The following LRMDA variants were observed in gnomAD, a reference collection of about 807,000 sequenced individuals.
The protein encoded by LRMDA is leucine-rich melanocyte differentiation-associated protein.
Under a neutral mutation model 29.8 loss-of-function variants are expected in LRMDA, and 18 were observed. That is an observed-to-expected ratio of 0.60 (90% CI 0.42 to 0.90). LRMDA has a LOEUF of 0.90. LRMDA is among the 40% of genes least tolerant of loss of function. The pLI is 0.00. For missense variants in LRMDA, 273 were observed against 273.9 expected (o/e 1.00, Z 0.02); for synonymous variants, 125 against 109.4 (o/e 1.14, Z -0.89).
At chr10:75,754,332 G>A (rs1337673712) in intron 2 of LRMDA, among the ~76,000 whole-genome samples, 1 of 152,186 alleles carries the variant, frequency 6.6e-6, no homozygotes, top group Non-Finnish European at 1.5e-5. Flanking sequence ...TGATATTTAT[G>A]ACTGGTTTCT....
chr10:75,914,359 T>A (rs1288808741), intron 2 of LRMDA, among the ~76,000 whole-genome samples: 2 of 152,248 alleles, frequency 1.3e-5, no homozygotes, highest in Non-Finnish European at 2.9e-5. Context: ...ACCTGTGACT[T>A]TATTTATCCC....
chr10:76,534,593 A>G (rs1843271698), intron 6 of LRMDA, among the ~76,000 whole-genome samples: 1 of 152,210 alleles, frequency 6.6e-6, no homozygotes, highest in African/African-American at 2.4e-5. Flanking sequence ...CTTATTTGTT[A>G]CAGCAGCTTG....
intron 5 of LRMDA, among the ~76,000 whole-genome samples, chr10:76,164,725 C>T (rs1388184918): frequency 6.6e-6 from 1 of 152,094 alleles, no homozygotes; most frequent in Non-Finnish European, 1.5e-5. Flanking sequence ...TTTAAATGAG[C>T]ATCACAGATT....
At chr10:76,118,237 G>T (rs1564657339) in intron 5 of LRMDA, among the ~76,000 whole-genome samples, 1 of 152,126 alleles carries the variant, frequency 6.6e-6, no homozygotes, top group Non-Finnish European at 1.5e-5. Flanking sequence ...CACTTTGGCT[G>T]CCTTCCTCTG....
intron 2 of LRMDA, among the ~76,000 whole-genome samples, chr10:75,633,852 T>C (rs1841357689): frequency 6.6e-6 from 1 of 152,204 alleles, no homozygotes; most frequent in Non-Finnish European, 1.5e-5. Context: ...AATAAGTTGT[T>C]GGAATATGGG....
At chr10:76,214,667 A>G (rs1288699127) in intron 5 of LRMDA, among the ~76,000 whole-genome samples, 1 of 152,138 alleles carries the variant, frequency 6.6e-6, no homozygotes, top group Non-Finnish European at 1.5e-5. Context: ...TTAATAGCTC[A>G]TTTTGTAGCT....
rs149792084 is a variant in LRMDA, at chr10:75,921,201, C to G, written c.132-114807C>G. Among the ~76,000 whole-genome samples, 321 of 152,274 alleles carry G rather than the reference C, an allele frequency of 2.1e-3. 1 individual carries two copies. Among genetic ancestry groups the G allele is most frequent in the African/African-American group, 7.3e-3 (305 of 41,558 alleles). On this transcript the variant is annotated intron_variant, in intron 2 of 6. Coordinates refer to ENST00000611255, the MANE Select transcript of LRMDA (RefSeq NM_001305581.2). ...TCCAATCATTACCTCCTGACATTAC[C>G]TTCCTCAAATAGGTTTATTTGTTGA...
intron 5 of LRMDA, among the ~76,000 whole-genome samples, chr10:76,071,000 G>A (rs1848866977): frequency 6.6e-6 from 1 of 152,182 alleles, no homozygotes; most frequent in Admixed American, 6.5e-5. Flanking sequence ...AGCTGTGGAG[G>A]AGAGAGGTCT....
rs76996894 is a variant in LRMDA at position 76,244,252 on chromosome 10, C to G, written c.517-80149C>G. 3.5e-3 allele frequency among the ~76,000 whole-genome samples: 534 copies of G among 152,308 alleles called. 15 individuals are homozygous for G. In the East Asian group the frequency reaches 0.07, roughly 20 times the overall value. ...GTGAGGACCGTGAAAGCTCACCCAA[C>G]TCAGTGCCTGGTACATGACAGGCAT... On this transcript the variant is annotated intron_variant, in intron 5 of 6. Transcript: ENST00000611255.
intron 2 of LRMDA, among the ~76,000 whole-genome samples, chr10:75,490,772 A>G (rs1844977480): frequency 6.6e-6 from 1 of 152,160 alleles, no homozygotes; most frequent in Non-Finnish European, 1.5e-5. Context: ...CTCTGAAACC[A>G]AGAAGAAATT....
intron 6 of LRMDA, among the ~76,000 whole-genome samples, chr10:76,410,120 C>T (rs77342172): frequency 1.4e-3 from 213 of 151,564 alleles, no homozygotes; most frequent in African/African-American, 5.0e-3. Flanking sequence ...GTTGAAGGCA[C>T]GGAATTGTAG....
rs1264642802 is a variant in LRMDA, at chr10:75,865,350, C to G, written c.132-170658C>G. 3.9e-5 allele frequency among the ~76,000 whole-genome samples: 6 copies of G among 152,136 alleles called. No individual in the cohort carries two copies. In the East Asian group the frequency reaches 1.2e-3, roughly 29 times the overall value. On this transcript the variant is annotated intron_variant, in intron 2 of 6. Transcript: ENST00000611255. ...GGAGGTAGTTCTATGGGTATATGCACTTGTCAAAACTGATCACGTTGTATA... is the reference window on the plus strand; with the variant it reads ...GGAGGTAGTTCTATGGGTATATGCAGTTGTCAAAACTGATCACGTTGTATA...
intron 2 of LRMDA, among the ~76,000 whole-genome samples, chr10:75,585,441 G>A (rs936199135): frequency 6.6e-6 from 1 of 152,154 alleles, no homozygotes; most frequent in Non-Finnish European, 1.5e-5. Context: ...GAATAATGTT[G>A]TTATGAACAT....
At chr10:75,862,210 A>ACACACACACG (rs1261528691) in intron 2 of LRMDA, among the ~76,000 whole-genome samples, 1 of 151,262 alleles carries the variant, frequency 6.6e-6, no homozygotes, top group Non-Finnish European at 1.5e-5. Flanking sequence ...ACACACACAC[A>ACACACACACG]CGCACTTAAG....
chr10:75,920,518 ACTCC>A (rs1846009391), intron 2 of LRMDA, among the ~76,000 whole-genome samples: 1 of 151,924 alleles, frequency 6.6e-6, no homozygotes, highest in Non-Finnish European at 1.5e-5. Context: ...TCTGATACCA[ACTCC>A]TTGCTATAAC....
chr10:75,653,611 G>A (rs1259304561), intron 2 of LRMDA, among the ~76,000 whole-genome samples: 1 of 152,196 alleles, frequency 6.6e-6, no homozygotes, highest in Non-Finnish European at 1.5e-5. Flanking sequence ...GAGTGCCTGT[G>A]GGTTGCCCTT....
chr10:75,854,631 A>G (rs1426151344), intron 2 of LRMDA, among the ~76,000 whole-genome samples: 1 of 152,018 alleles, frequency 6.6e-6, no homozygotes, highest in Non-Finnish European at 1.5e-5. Context: ...GGTTAGTTAC[A>G]TATGTATACA....
At chr10:75,538,451 C>T (rs891937099) in intron 2 of LRMDA, among the ~76,000 whole-genome samples, 4 of 152,088 alleles carry the variant, frequency 2.6e-5, no homozygotes, top group African/African-American at 9.7e-5. Flanking sequence ...CTTCTATTTG[C>T]GATTCAAAAG....
chr10:76,510,118 T>A (rs767081702), intron 6 of LRMDA, among the ~76,000 whole-genome samples: 26 of 152,222 alleles, frequency 1.7e-4, no homozygotes, highest in Non-Finnish European at 3.4e-4. Flanking sequence ...TTGTCTAGGC[T>A]GGAGTGGAGT....
Sources: allele counts gnomAD v4.1 joint callset (sites outside exome capture counted in the v4.1 genomes callset), GRCh38; gene constraint gnomAD v4.1.1; transcripts MANE v1.5; gene names NCBI Gene and HGNC (gene_info 2026-07-23, HGNC 2026-07-21).